CNTN4: variants seen among roughly 807,000 people sequenced by gnomAD.
CNTN4 encodes contactin 4, also known as contactin-4.
CNTN4 carries 77 observed loss-of-function variants against 122.5 expected under a neutral mutation model. The observed-to-expected ratio is 0.63, with a 90% CI of 0.52 to 0.76. CNTN4 has a LOEUF of 0.76. Ranked by LOEUF, CNTN4 falls within the 30% of genes least tolerant of loss-of-function variation. CNTN4 has a pLI of 0.00. For missense variants in CNTN4, 1,256 were observed against 1,259.1 expected, an observed-to-expected ratio of 1.00 and a Z score of 0.04; for synonymous variants, 512 against 447.0, an observed-to-expected ratio of 1.15 and a Z score of -1.83.
chr3:2,186,773 G>A (rs188511407), intron 2 of CNTN4, among the ~76,000 whole-genome samples: 1 of 152,054 alleles, frequency 6.6e-6, no homozygotes, highest in East Asian at 1.9e-4. Flanking sequence ...CTTTTTGATG[G>A]GGTTGTTTTT....
At chr3:2,758,199 C>G (rs964828405) in intron 6 of CNTN4, among the ~76,000 whole-genome samples, 2 of 152,110 alleles carry the variant, frequency 1.3e-5, no homozygotes, top group African/African-American at 4.8e-5. Context: ...GCAATGACTA[C>G]TTTCTTCTCA....
intron 6 of CNTN4, among the ~76,000 whole-genome samples, chr3:2,776,124 C>A (rs775405758): frequency 1.3e-5 from 2 of 152,124 alleles, no homozygotes; most frequent in African/African-American, 2.4e-5. Context: ...AGGACACAGA[C>A]TCTAAAAGAG....
intron 5 of CNTN4, among the ~76,000 whole-genome samples, chr3:2,736,945 A>G (rs2089154312): frequency 6.6e-6 from 1 of 151,930 alleles, no homozygotes. Flanking sequence ...CACCATGCCC[A>G]GCTAATCTTT....
intron 4 of CNTN4, chr3:2,629,387 C>A (rs2082329249): frequency 3.3e-6 from 1 of 303,516 alleles, no homozygotes; most frequent in Admixed American, 4.4e-5. Context: ...GCAGCCTGAG[C>A]AGACTAATGC....
rs575234621 is a variant in CNTN4 at position 2,781,850 on chromosome 3, G to A, written c.358+36153G>A. Among the ~76,000 whole-genome samples the A allele has an allele frequency of 1.2e-3, 155 of 127,516 alleles. 2 individuals are homozygous for A. Among genetic ancestry groups the A allele is most frequent in the African/African-American group, 5.1e-3 (134 of 26,258 alleles). 83.7% of individuals were successfully genotyped at this position (127,516 alleles called of 152,430 possible). A position where few individuals can be genotyped will look rare whatever the true frequency, so the allele number is the denominator to read the frequency against. On this transcript the variant is annotated intron_variant, in intron 6 of 24. Transcript: ENST00000418658. Reference sequence around the variant, plus strand: ...CGCCATTCTCCTGCCTCAGCCTCCCGAGTAGCTGGGACTGCAGGCGCCCGC... The same window carrying A: ...CGCCATTCTCCTGCCTCAGCCTCCCAAGTAGCTGGGACTGCAGGCGCCCGC...
intron 3 of CNTN4, among the ~76,000 whole-genome samples, chr3:2,406,192 T>C (rs1186932571): frequency 6.6e-6 from 1 of 152,198 alleles, no homozygotes; most frequent in Non-Finnish European, 1.5e-5. Context: ...AGGGGAAATG[T>C]TAAATTTCAC....
intron 2 of CNTN4, among the ~76,000 whole-genome samples, chr3:2,221,791 A>G (rs900392559): frequency 6.6e-5 from 10 of 152,182 alleles, no homozygotes; most frequent in South Asian, 4.1e-4. Flanking sequence ...CATATGAAAC[A>G]ATGCTCAAAA....
At chr3:2,203,336 A>T (rs2038188627) in intron 2 of CNTN4, among the ~76,000 whole-genome samples, 1 of 152,202 alleles carries the variant, frequency 6.6e-6, no homozygotes, top group Admixed American at 6.6e-5. Flanking sequence ...AAAAGATACT[A>T]TGCTAGGTGT....
At chr3:2,922,372 C>T (rs576775377) in intron 12 of CNTN4, among the ~76,000 whole-genome samples, 13 of 152,048 alleles carry the variant, frequency 8.5e-5, no homozygotes, top group Non-Finnish European at 1.9e-4. Context: ...ATAAAGGGTA[C>T]AAATAGGAAA....
At chr3:2,630,974 AT>A (rs1281148451) in intron 4 of CNTN4, among the ~76,000 whole-genome samples, 1 of 152,198 alleles carries the variant, frequency 6.6e-6, no homozygotes, top group Non-Finnish European at 1.5e-5. Flanking sequence ...TGACCAAGTT[AT>A]AAAAGTTCTC....
At chr3:2,969,352 G>C (rs1577443295) in intron 13 of CNTN4, among the ~76,000 whole-genome samples, 3 of 152,096 alleles carry the variant, frequency 2.0e-5, no homozygotes, top group Admixed American at 2.0e-4. Flanking sequence ...GGCTAGGTCA[G>C]GTGTCCACTC....
At chr3:2,779,952 A>T (rs2091501664) in intron 6 of CNTN4, among the ~76,000 whole-genome samples, 1 of 152,254 alleles carries the variant, frequency 6.6e-6, no homozygotes, top group Non-Finnish European at 1.5e-5. Context: ...GACATAAGAA[A>T]TTTGTTAATT....
At position 2,854,011 on chromosome 3, in the gene CNTN4, T is replaced by A. The variant is rs182915811; in HGVS notation, c.455-12741T>A. 3.0e-3 allele frequency among the ~76,000 whole-genome samples: 462 copies of A among 152,300 alleles called. 2 individuals carry two copies. The highest frequency in any genetic ancestry group is 5.6e-3 in the Non-Finnish European group (384 of 68,016). ...TAAAGCCAAACTCATAGATGATTAA[T>A]CTTTCATCTAGTCCTCTTCACTGCA... On this transcript the variant is annotated intron_variant, in intron 7 of 24. Transcript: ENST00000418658.
At chr3:2,940,842 C>G (rs1175729456) in intron 13 of CNTN4, among the ~76,000 whole-genome samples, 1 of 152,090 alleles carries the variant, frequency 6.6e-6, no homozygotes, top group East Asian at 1.9e-4. Context: ...TGATTGTGCA[C>G]TTGAGCAAAA....
intron 8 of CNTN4, among the ~76,000 whole-genome samples, chr3:2,876,467 CT>C (rs1286219395): frequency 6.6e-6 from 1 of 151,018 alleles, no homozygotes; most frequent in African/African-American, 2.4e-5. Flanking sequence ...CAATTTTTGC[CT>C]TTTTTTTTCA....
At chr3:2,396,614 G>A (rs1490118581) in intron 3 of CNTN4, among the ~76,000 whole-genome samples, 1 of 151,302 alleles carries the variant, frequency 6.6e-6, no homozygotes, top group East Asian at 1.9e-4. Context: ...CCCAGCTTGT[G>A]CAAAGGCAGC....
rs574241670 is a variant in CNTN4 at position 2,134,357 on chromosome 3, A to C, written c.-145+33718A>C. On this transcript the variant is annotated intron_variant, in intron 2 of 24. Transcript: ENST00000418658. Reference sequence around the variant, plus strand: ...GATTTGAATTCGTACCCCAGTCTGCATCTGAAAACTGCCGCTTTTCAAAGA... The same window carrying C: ...GATTTGAATTCGTACCCCAGTCTGCCTCTGAAAACTGCCGCTTTTCAAAGA... Among the ~76,000 whole-genome samples, 138 of 152,190 alleles carry C rather than the reference A, an allele frequency of 9.1e-4. 1 individual carries two copies. Among genetic ancestry groups the C allele is most frequent in the Non-Finnish European group, 1.7e-3 (116 of 68,038 alleles).
intron 2 of CNTN4, among the ~76,000 whole-genome samples, chr3:2,326,519 C>CATA (rs72160444): frequency 1.4e-5 from 2 of 140,006 alleles, no homozygotes; most frequent in South Asian, 4.7e-4. Flanking sequence ...CACACACACA[C>CATA]ACACACACAA....
chr3:2,109,717 A>G (rs1413970372), intron 2 of CNTN4, among the ~76,000 whole-genome samples: 1 of 152,186 alleles, frequency 6.6e-6, no homozygotes, highest in Non-Finnish European at 1.5e-5. Context: ...GCAAATTTGT[A>G]TTGTTATCCA....
Sources: gnomAD v4.1 joint callset for allele counts (sites outside exome capture counted in the v4.1 genomes callset) on GRCh38, gnomAD v4.1.1 for gene constraint, MANE v1.5 for transcripts, NCBI Gene and HGNC (gene_info 2026-07-23, HGNC 2026-07-21) for gene names.